Variants in STAB2 observed in about 807,000 individuals in gnomAD.
STAB2 encodes the protein stabilin 2.
In STAB2, 288 loss-of-function variants were observed where a neutral mutation model predicts 338.1. The observed-to-expected ratio is 0.85, with a 90% CI of 0.77 to 0.94. The LOEUF is 0.94. Among genes scored for constraint, STAB2 ranks in the 40% least tolerant of loss-of-function variants. The pLI is 0.00. For synonymous variants in STAB2, 1,202 were observed against 1,193.3 expected (o/e 1.01, Z -0.15); for missense variants, 3,141 against 3,210.1 (o/e 0.98, Z 0.52).
chr12:103,712,740 C>T (rs892269315), intron 41 of STAB2, among the ~76,000 whole-genome samples: 6 of 152,184 alleles, frequency 3.9e-5, no homozygotes, highest in Admixed American at 6.5e-5. Context: ...TACATTATGA[C>T]AGCATTACTA....
chr12:103,739,363 T>C (rs1882391217), intron 53 of STAB2, 49 bp from the exon 54 acceptor site: 1 of 1,500,938 alleles, frequency 6.7e-7, no homozygotes, highest in African/African-American at 1.4e-5. Flanking sequence ...CATTTCCTTG[T>C]GTTTTCTGAT....
intron 5 of STAB2, among the ~76,000 whole-genome samples, chr12:103,626,362 A>T (rs925205770): frequency 6.6e-6 from 1 of 152,252 alleles, no homozygotes; most frequent in Non-Finnish European, 1.5e-5. Context: ...TTAAGAGAAC[A>T]GGCTTTAAAC....
intron 67 of STAB2, among the ~76,000 whole-genome samples, chr12:103,762,708 A>AGTCTT (rs1884630601): frequency 6.6e-6 from 1 of 152,164 alleles, no homozygotes; most frequent in African/African-American, 2.4e-5. Flanking sequence ...AGGACCTAGG[A>AGTCTT]GTCTTGTTTA....
At chr12:103,613,228 A>T (rs906487470) in intron 3 of STAB2, among the ~76,000 whole-genome samples, 1 of 152,222 alleles carries the variant, frequency 6.6e-6, no homozygotes, top group Non-Finnish European at 1.5e-5. Context: ...AGACAGGGAC[A>T]TTTAAGTCTG....
At chr12:103,714,082 T>G (rs911841535) in intron 42 of STAB2, among the ~76,000 whole-genome samples, 3 of 152,230 alleles carry the variant, frequency 2.0e-5, no homozygotes, top group Non-Finnish European at 4.4e-5. Flanking sequence ...AGAAAGCACA[T>G]GTACTGGAGA....
intron 44 of STAB2, among the ~76,000 whole-genome samples, chr12:103,718,431 G>A (rs1880502985): frequency 6.6e-6 from 1 of 152,154 alleles, no homozygotes; most frequent in Non-Finnish European, 1.5e-5. Context: ...TCTGCATTGA[G>A]CAGGGGTTCA....
intron 17 of STAB2, 58 bp downstream of exon 17, chr12:103,660,821 A>G (rs1429962381): frequency 1.6e-5 from 25 of 1,549,288 alleles, no homozygotes; most frequent in Non-Finnish European, 2.2e-5. Context: ...CTCGATAATG[A>G]TTATTCATCA....
chr12:103,714,244 A>G (rs1377408118), intron 42 of STAB2, among the ~76,000 whole-genome samples: 1 of 152,216 alleles, frequency 6.6e-6, no homozygotes, highest in Non-Finnish European at 1.5e-5. Flanking sequence ...AAACAAGTAT[A>G]CCTCTAACAT....
chr12:103,745,368 ATCTG>A, intron 57 of STAB2, 91 bp downstream of exon 57: 1 of 1,200,562 alleles, frequency 8.3e-7, no homozygotes, highest in Admixed American at 2.7e-5. Flanking sequence ...TCTGAGTGAC[ATCTG>A]AAAAAAGTGA....
intron 14 of STAB2, 41 bp downstream of exon 14, chr12:103,655,348 A>G: frequency 6.2e-7 from 1 of 1,606,064 alleles, no homozygotes; most frequent in Admixed American, 1.7e-5. Context: ...ATTTATGTCA[A>G]GACTTTTGTA....
At chr12:103,685,465 T>TGTGTGC (rs1555238758) in intron 27 of STAB2, among the ~76,000 whole-genome samples, 2 of 141,396 alleles carry the variant, frequency 1.4e-5, no homozygotes, top group Non-Finnish European at 3.2e-5. Context: ...CGCGTGCGTG[T>TGTGTGC]GTGTGTGCGT....
chr12:103,688,229 T>G lies in STAB2; in HGVS notation c.3045+14T>G. On this transcript the variant is annotated intron_variant, in intron 28 of 68. Transcript: ENST00000388887. ...CGATGGATAAATGTGAGTACCTTTA[T>G]TGGGACTTAGGATTGGGAATGTATA... 6.2e-7 allele frequency: 1 copy of G among 1,612,582 alleles called. No homozygotes were observed. Among genetic ancestry groups the G allele is most frequent in the Non-Finnish European group, 8.5e-7 (1 of 1,178,600 alleles).
At chr12:103,718,046 C>A (rs559003098) in intron 44 of STAB2, among the ~76,000 whole-genome samples, 2 of 152,250 alleles carry the variant, frequency 1.3e-5, no homozygotes, top group Non-Finnish European at 2.9e-5. Flanking sequence ...CCCCAGCCTG[C>A]CCCTTTGGCT....
intron 60 of STAB2, 124 bp downstream of exon 60, chr12:103,750,844 A>C: frequency 7.6e-7 from 1 of 1,309,442 alleles, no homozygotes; most frequent in Non-Finnish European, 1.0e-6. Flanking sequence ...TAATCCCAAT[A>C]CTTTGGGAGG....
intron 50 of STAB2, 30 bp from the exon 51 acceptor site, chr12:103,732,976 C>T (rs767917089): frequency 1.2e-6 from 2 of 1,606,878 alleles, no homozygotes; most frequent in Non-Finnish European, 1.7e-6. Context: ...CTTGCTCAAG[C>T]CAGCAAGGGG....
chr12:103,728,987 G>C lies in STAB2; in HGVS notation c.5074G>C (p.Val1692Leu). 6.2e-7 allele frequency: 1 copy of C among 1,613,736 alleles called. No individual in the cohort carries two copies. The highest frequency in any genetic ancestry group is 8.5e-7 in the Non-Finnish European group (1 of 1,179,758). ...CCAAGGAGAGCCAATAGTCATCTCC[G>C]TCTCTCAGGTAGATGCCAGTTATCC... ...SLQGEPIVISVSQSTVYINNK... is the reference protein window; with the variant it reads ...SLQGEPIVISLSQSTVYINNK... The change falls in exon 48 of 69, where the codon GTC (valine) becomes CTC (leucine). Residue 1692 changes from valine (V) to leucine (L), a missense_variant. Transcript: ENST00000388887.
chr12:103,677,365 AC>A, intron 24 of STAB2, 87 bp from the exon 25 acceptor site: 1 of 1,471,208 alleles, frequency 6.8e-7, no homozygotes, highest in Non-Finnish European at 9.2e-7. Context: ...TGTTTCTGGA[AC>A]ATATGTCTGG....
intron 42 of STAB2, among the ~76,000 whole-genome samples, chr12:103,714,941 T>C (rs1331466285): frequency 3.3e-5 from 5 of 152,240 alleles, no homozygotes; most frequent in Admixed American, 6.5e-5. Flanking sequence ...TGTTCAATAA[T>C]GTCCTTTTTG....
intron 9 of STAB2, 33 bp downstream of exon 9, chr12:103,640,289 C>T (rs1174168493): frequency 1.3e-6 from 2 of 1,593,152 alleles, no homozygotes; most frequent in African/African-American, 1.3e-5. Flanking sequence ...CCAACATTTC[C>T]AAGTGGTGAA....
Sources: allele counts gnomAD v4.1 joint callset (sites outside exome capture counted in the v4.1 genomes callset), GRCh38; gene constraint gnomAD v4.1.1; transcripts MANE v1.5; gene names NCBI Gene and HGNC (gene_info 2026-07-23, HGNC 2026-07-21).